The following ATXN2L variants were observed in gnomAD, a reference collection of about 807,000 sequenced individuals.
The protein encoded by ATXN2L is ataxin 2 like, also known as ataxin-2-like protein.
Under a neutral mutation model 120.7 loss-of-function variants are expected in ATXN2L, and 24 were observed. The ratio of observed to expected loss-of-function variants is 0.20; its 90% CI spans 0.14 to 0.28. The LOEUF is 0.28. Among genes scored for constraint, ATXN2L ranks in the 10% least tolerant of loss-of-function variants. ATXN2L has a pLI of 1.00. For synonymous variants in ATXN2L, 653 were observed against 568.1 expected (o/e 1.15, Z -2.13); for missense variants, 1,312 against 1,432.3 (o/e 0.92, Z 1.36).
chr16:28,828,541 C>A (rs959990432), intron 6 of ATXN2L, among the ~76,000 whole-genome samples: 1 of 150,748 alleles, frequency 6.6e-6, no homozygotes, highest in Non-Finnish European at 1.5e-5. Flanking sequence ...GAGCCAAGAT[C>A]GCACCATTGC....
intron 1 of ATXN2L, 64 bp downstream of exon 1, chr16:28,823,622 T>C: frequency 7.9e-7 from 1 of 1,262,028 alleles, no homozygotes; most frequent in Non-Finnish European, 1.0e-6. Flanking sequence ...TCGGTTCCGG[T>C]GGGGCGGACC....
rs1032982296 is a variant in ATXN2L, at chr16:28,835,532, C to T, written c.2686-17C>T. On this transcript the variant is annotated splice_polypyrimidine_tract_variant and intron_variant, in intron 20 of 21. Transcript: ENST00000336783. ...GTTGCTGGCCTGTGTGGCACTCAAC[C>T]TTCCCCTCCCCAGCAGCATCAGGCG... The T allele has an allele frequency of 6.2e-7, 1 of 1,612,818 alleles. No individual in the cohort carries two copies. The highest frequency in any genetic ancestry group is 8.5e-7 in the Non-Finnish European group (1 of 1,179,752).
chr16:28,824,628 G>A, intron 1 of ATXN2L: 3 of 1,197,030 alleles, frequency 2.5e-6, no homozygotes, highest in South Asian at 2.8e-5. Flanking sequence ...GAGGCGTCAG[G>A]CTGCTGAAAA....
chr16:28,824,499 C>A, intron 1 of ATXN2L: 2 of 1,288,190 alleles, frequency 1.6e-6, no homozygotes, highest in Non-Finnish European at 2.0e-6. Context: ...GTTACATCAG[C>A]CAGCGACGAG....
At chr16:28,832,910 T>C (rs1424180457) in intron 13 of ATXN2L, 23 bp downstream of exon 13, 2 of 1,613,174 alleles carry the variant, frequency 1.2e-6, no homozygotes, top group African/African-American at 2.7e-5. Flanking sequence ...TGAGCTGGGA[T>C]ATTAGCAGGG....
Position 28,826,880 on chromosome 16 carries a change from C to T in ATXN2L, c.635C>T (p.Ala212Val). Residue 212 changes from alanine to valine, a missense_variant, in exon 6 of 22, where the codon GCC (alanine) becomes GTC (valine). Transcript: ENST00000336783. Reference sequence around the variant, plus strand: ...CCCACAGACAAGTTCACCGATTCAGCCATTGCCATGAACTCGAAAGTGAAT... The same window carrying T: ...CCCACAGACAAGTTCACCGATTCAGTCATTGCCATGAACTCGAAAGTGAAT... ...YATKDKFTDSAIAMNSKVNGE... is the reference protein window; with the variant it reads ...YATKDKFTDSVIAMNSKVNGE... 6.3e-7 allele frequency: 1 copy of T among 1,589,866 alleles called. No individual in the cohort carries two copies. The highest frequency in any genetic ancestry group is 8.6e-7 in the Non-Finnish European group (1 of 1,165,034).
At position 28,830,786 on chromosome 16, in the gene ATXN2L, T is replaced by C. The variant is rs2054075613; in HGVS notation, c.1206T>C (p.Asn402=). 1 of 1,597,518 alleles carries C rather than the reference T, an allele frequency of 6.3e-7. No individual in the cohort carries two copies. The highest frequency in any genetic ancestry group is 1.8e-5 in the Admixed American group (1 of 55,980). The part of the protein sequence containing the change: ...PGPGSEARGI[N]GGPSRMSPKA... Reference sequence around the variant, plus strand: ...CAGGTTCTGAGGCCCGTGGTATCAATGGAGGTGAGTTATGAGGTGACTTTG... The same window carrying C: ...CAGGTTCTGAGGCCCGTGGTATCAACGGAGGTGAGTTATGAGGTGACTTTG... The change falls in exon 9 of 22, where the codon AAT becomes AAC. Residue 402 remains asparagine, a synonymous_variant. Coordinates refer to ENST00000336783, the MANE Select transcript of ATXN2L (RefSeq NM_007245.4).
Position 28,833,345 on chromosome 16 carries a change from C to T in ATXN2L, c.1946C>T (p.Pro649Leu), listed in dbSNP as rs1384291894. 1.9e-6 allele frequency: 3 copies of T among 1,613,198 alleles called. No homozygotes were observed. The highest frequency in any genetic ancestry group is 2.5e-6 in the Non-Finnish European group (3 of 1,179,276). ...LIKGEDKDEG[P>L]VAEQVKKSTL... ...AAGGGAGAAGACAAAGATGAGGGCC[C>T]TGTTGCTGAGTGAGTGGAGCGGGGT... The change falls in exon 14 of 22, where the codon CCT (proline) becomes CTT (leucine). Residue 649 changes from proline (P) to leucine (L), a missense_variant. Pro to Leu is a moderately conservative substitution (Grantham distance 98). Transcript: ENST00000336783.
In ATXN2L at chr16:28,833,328, A is replaced by G. The variant is rs1477739695; in HGVS notation, c.1929A>G (p.Glu643=). The G allele has an allele frequency of 2.5e-6, 4 of 1,613,462 alleles. No homozygotes were observed. The highest frequency in any genetic ancestry group is 3.3e-4 in the Middle Eastern group (2 of 6,078). The change falls in exon 14 of 22, where the codon GAA becomes GAG. Residue 643 remains glutamate (E), a synonymous_variant. Coordinates refer to ENST00000336783, the MANE Select transcript of ATXN2L (RefSeq NM_007245.4). Reference sequence around the variant, plus strand: ...CCCCGGTGGGCCTCATCAAGGGAGAAGACAAAGATGAGGGCCCTGTTGCTG... The same window carrying G: ...CCCCGGTGGGCCTCATCAAGGGAGAGGACAAAGATGAGGGCCCTGTTGCTG... ...GSPPVGLIKG[E]DKDEGPVAEQ... is the part of the protein sequence containing the mutation.
intron 6 of ATXN2L, among the ~76,000 whole-genome samples, chr16:28,828,078 C>T (rs1190707144): frequency 6.6e-6 from 1 of 152,182 alleles, no homozygotes; most frequent in Non-Finnish European, 1.5e-5. Context: ...CACGTGTACA[C>T]AGCAAATTGT....
chr16:28,823,567 G>A lies in ATXN2L; in HGVS notation c.299+9G>A, dbSNP rs1385356211. The A allele has an allele frequency of 2.3e-6, 3 of 1,329,090 alleles. No individual in the cohort carries two copies. Among genetic ancestry groups the A allele is most frequent in the South Asian group, 3.8e-5 (2 of 51,988 alleles). The allele number at this position is 1,329,090 out of a possible 1,614,324, so 82.3% of individuals were successfully genotyped here. A position where few individuals can be genotyped will look rare whatever the true frequency, so the allele number is the denominator to read the frequency against. On this transcript the variant is annotated intron_variant, in intron 1 of 21. Coordinates refer to ENST00000336783, the MANE Select transcript of ATXN2L (RefSeq NM_007245.4). ...GCCATCGGCAGCGCCAGGTGAGAAG[G>A]GTGGGCTCCGGGCGAGGGAGCCGCG... is the stretch of plus-strand genomic sequence containing the variant.
At chr16:28,832,699 G>A in intron 12 of ATXN2L, 118 bp from the exon 13 acceptor site, 1 of 1,411,658 alleles carries the variant, frequency 7.1e-7, no homozygotes, top group South Asian at 1.2e-5. Context: ...TCACTTCTGT[G>A]ATCCTCAAGA....
At position 28,832,813 on chromosome 16, in the gene ATXN2L, A is replaced by G. The variant is rs759673269; in HGVS notation, c.1589-4A>G. Reference sequence around the variant, plus strand: ...TTTTCTTCTTTTTGACTGTTTTCTCATAGTCCCTGGTCTTCAGAATGAACA... The same window carrying G: ...TTTTCTTCTTTTTGACTGTTTTCTCGTAGTCCCTGGTCTTCAGAATGAACA... On this transcript the variant is annotated splice_polypyrimidine_tract_variant and splice_region_variant and intron_variant, in intron 12 of 21. Coordinates refer to ENST00000336783, the MANE Select transcript of ATXN2L (RefSeq NM_007245.4). 7.4e-6 allele frequency: 12 copies of G among 1,613,932 alleles called. No individual in the cohort carries two copies. The highest frequency in any genetic ancestry group is 1.3e-5 in the African/African-American group (1 of 74,918).
Position 28,832,085 on chromosome 16 carries a change from A to G in ATXN2L, c.1322-120A>G, listed in dbSNP as rs545471816. 4.6e-6 allele frequency: 5 copies of G among 1,087,960 alleles called. No homozygotes were observed. The East Asian group carries it at 7.6e-5, about 17-fold the overall frequency. 67.4% of individuals were successfully genotyped at this position (1,087,960 alleles called of 1,614,324 possible). The stretch of plus-strand genomic sequence containing the variant: ...TGTTACCTGCCTTGAGCTTCTAGAC[A>G]TTTAAGTTGGTGACTCTGGTTGTAT... On this transcript the variant is annotated intron_variant, in intron 10 of 21. Transcript: ENST00000336783.
chr16:28,835,269 C>T lies in ATXN2L; in HGVS notation c.2564-9C>T. ...GCTCAGCACTGGTTCTCCCTCTTTC[C>T]TGCTGCAGCCACTGTTCACCAGTCC... On this transcript the variant is annotated splice_polypyrimidine_tract_variant and intron_variant, in intron 19 of 21. Coordinates refer to ENST00000336783, the MANE Select transcript of ATXN2L (RefSeq NM_007245.4). 3 of 1,613,888 alleles carry T rather than the reference C, an allele frequency of 1.9e-6. No individual in the cohort carries two copies. The highest frequency in any genetic ancestry group is 1.1e-5 in the South Asian group (1 of 91,084).
rs1174388665 is a variant in ATXN2L, at chr16:28,836,388, T to G, written c.*123T>G. 1 of 1,613,414 alleles carries G rather than the reference T, an allele frequency of 6.2e-7. No individual in the cohort carries two copies. Among genetic ancestry groups the G allele is most frequent in the Non-Finnish European group, 8.5e-7 (1 of 1,179,930 alleles). On this transcript the variant is annotated 3_prime_UTR_variant, in exon 22 of 22. Transcript: ENST00000336783. ...GGGGCTTGCTCCTGGCTCTGTCCTTTGCTTCCCTCCGTCCTCGCTCAGTTG... is the reference window on the plus strand; with the variant it reads ...GGGGCTTGCTCCTGGCTCTGTCCTTGGCTTCCCTCCGTCCTCGCTCAGTTG...
intron 1 of ATXN2L, 77 bp downstream of exon 1, chr16:28,823,635 G>C: frequency 8.1e-7 from 1 of 1,236,244 alleles, no homozygotes; most frequent in Non-Finnish European, 1.0e-6. Context: ...GGCGGACCCC[G>C]ACCCGGCACC....
intron 1 of ATXN2L, among the ~76,000 whole-genome samples, chr16:28,824,843 A>G (rs1341518062): frequency 6.6e-6 from 1 of 151,998 alleles, no homozygotes; most frequent in Admixed American, 6.6e-5. Context: ...TTTTGCTGGC[A>G]TTTGGAGGAA....
chr16:28,834,235 C>T, intron 16 of ATXN2L, 24 bp downstream of exon 16: 1 of 1,611,304 alleles, frequency 6.2e-7, no homozygotes, highest in Non-Finnish European at 8.5e-7. Flanking sequence ...CTGGCCGGGC[C>T]CAGGGTTAGC....
Sources: gnomAD v4.1 joint callset for allele counts (sites outside exome capture counted in the v4.1 genomes callset) on GRCh38, gnomAD v4.1.1 for gene constraint, MANE v1.5 for transcripts, NCBI Gene and HGNC (gene_info 2026-07-23, HGNC 2026-07-21) for gene names.